The following PTBP2 variants were observed in gnomAD, a reference collection of about 807,000 sequenced individuals.
PTBP2 encodes polypyrimidine tract binding protein 2, also known as polypyrimidine tract-binding protein 2.
In PTBP2, 13 loss-of-function variants were observed where a neutral mutation model predicts 61.4. That is an observed-to-expected ratio of 0.21 (90% CI 0.14 to 0.34). PTBP2 has a LOEUF of 0.34. Among genes scored for constraint, PTBP2 ranks in the 10% least tolerant of loss-of-function variants. PTBP2 has a pLI of 1.00. For missense variants in PTBP2, 405 were observed against 642.6 expected (o/e 0.63, Z 4.00); for synonymous variants, 215 against 218.5 (o/e 0.98, Z 0.14).
chr1:96,755,746 T>C (rs1655078856), intron 3 of PTBP2, among the ~76,000 whole-genome samples: 1 of 152,182 alleles, frequency 6.6e-6, no homozygotes, highest in Admixed American at 6.5e-5. Flanking sequence ...GACTACATCC[T>C]GTATGATTCC....
At chr1:96,774,797 C>T (rs1369665222) in intron 5 of PTBP2, among the ~76,000 whole-genome samples, 1 of 152,196 alleles carries the variant, frequency 6.6e-6, no homozygotes, top group Non-Finnish European at 1.5e-5. Flanking sequence ...GCAGTAGGTC[C>T]TGTTCATGCT....
chr1:96,790,736 A>G (rs1659700850), intron 8 of PTBP2, among the ~76,000 whole-genome samples: 2 of 152,124 alleles, frequency 1.3e-5, no homozygotes, highest in Admixed American at 6.6e-5. Flanking sequence ...GTCTGCTTTA[A>G]ACTTTTGAAA....
intron 5 of PTBP2, among the ~76,000 whole-genome samples, chr1:96,777,263 T>G (rs995457081): frequency 6.6e-6 from 1 of 152,180 alleles, no homozygotes; most frequent in Admixed American, 6.5e-5. Context: ...AATTTCTGTT[T>G]AAAACATTTT....
chr1:96,785,388 G>T (rs1455011457), intron 8 of PTBP2, 134 bp downstream of exon 8: 6 of 623,160 alleles, frequency 9.6e-6, no homozygotes, highest in Non-Finnish European at 1.5e-5. Flanking sequence ...TTTCTCAAGT[G>T]AGAAGGCATA....
chr1:96,757,041 C>G (rs1167058880), intron 3 of PTBP2, among the ~76,000 whole-genome samples: 1 of 152,152 alleles, frequency 6.6e-6, no homozygotes, highest in Non-Finnish European at 1.5e-5. Flanking sequence ...GGAAATCTCT[C>G]TGCTTTCCTC....
intron 8 of PTBP2, 82 bp from the exon 9 acceptor site, chr1:96,804,718 G>A (rs1661339441): frequency 5.1e-6 from 7 of 1,366,538 alleles, no homozygotes; most frequent in African/African-American, 1.4e-5. Flanking sequence ...TGCAGCCATC[G>A]TGCTTAAATT....
chr1:96,786,543 C>T (rs896004112), intron 8 of PTBP2, among the ~76,000 whole-genome samples: 1 of 152,110 alleles, frequency 6.6e-6, no homozygotes, highest in African/African-American at 2.4e-5. Flanking sequence ...AAGAGTGAAA[C>T]ATGGTTTTTG....
At chr1:96,790,058 T>C (rs1659618665) in intron 8 of PTBP2, among the ~76,000 whole-genome samples, 1 of 152,134 alleles carries the variant, frequency 6.6e-6, no homozygotes. Flanking sequence ...TACATCTCAT[T>C]AGTCTGTTTC....
intron 2 of PTBP2, among the ~76,000 whole-genome samples, chr1:96,728,742 T>C (rs1048884330): frequency 2.0e-5 from 3 of 152,072 alleles, no homozygotes; most frequent in Non-Finnish European, 4.4e-5. Flanking sequence ...CTTGAATCTG[T>C]AGAGCAAATT....
chr1:96,724,889 G>A (rs749990797), intron 2 of PTBP2, among the ~76,000 whole-genome samples: 1 of 151,958 alleles, frequency 6.6e-6, no homozygotes, highest in African/African-American at 2.4e-5. Flanking sequence ...ATAATGATGT[G>A]GTGTTCTTTC....
intron 2 of PTBP2, among the ~76,000 whole-genome samples, chr1:96,748,466 G>A (rs999293759): frequency 3.9e-5 from 6 of 151,910 alleles, no homozygotes; most frequent in Non-Finnish European, 5.9e-5. Flanking sequence ...TTTCTCTGAC[G>A]TGTAGAGTGT....
At chr1:96,768,442 A>G (rs1656996422) in intron 3 of PTBP2, among the ~76,000 whole-genome samples, 1 of 151,998 alleles carries the variant, frequency 6.6e-6, no homozygotes, top group South Asian at 2.1e-4. Flanking sequence ...TTTAGGAAAT[A>G]CCATAAATTA....
chr1:96,762,953 A>G lies in PTBP2; in HGVS notation c.116-6750A>G, dbSNP rs1314214960. On this transcript the variant is annotated intron_variant, in intron 3 of 13. Coordinates refer to ENST00000674951, the MANE Select transcript of PTBP2 (RefSeq NM_021190.4). ...CACATCCCAGACGGGGCGGCGGGGC[A>G]GCGGCGCTCCCCACATCTCAGACGA... Among the ~76,000 whole-genome samples the G allele has an allele frequency of 5.6e-5, 8 of 142,466 alleles. No homozygotes were observed. The East Asian group carries it at 1.8e-3, about 31-fold the overall frequency. 93.5% of individuals were successfully genotyped at this position (142,466 alleles called of 152,430 possible).
At chr1:96,799,043 G>T (rs945944861) in intron 8 of PTBP2, among the ~76,000 whole-genome samples, 5 of 152,066 alleles carry the variant, frequency 3.3e-5, no homozygotes, top group Non-Finnish European at 5.9e-5. Context: ...TGGACTTAGG[G>T]TCTCTTGTCA....
intron 2 of PTBP2, among the ~76,000 whole-genome samples, chr1:96,725,967 C>T (rs543401826): frequency 1.7e-4 from 25 of 147,778 alleles, no homozygotes; most frequent in African/African-American, 4.5e-4. Flanking sequence ...CCCAGCTACT[C>T]GGGAGGCTGA....
chr1:96,726,976 A>AT (rs1453167021), intron 2 of PTBP2, among the ~76,000 whole-genome samples: 1 of 152,210 alleles, frequency 6.6e-6, no homozygotes, highest in Non-Finnish European at 1.5e-5. Flanking sequence ...TATCTCATAT[A>AT]TACCCTTGTG....
chr1:96,803,080 TAGTG>T (rs1343824071), intron 8 of PTBP2, among the ~76,000 whole-genome samples: 1 of 152,124 alleles, frequency 6.6e-6, no homozygotes, highest in Non-Finnish European at 1.5e-5. Context: ...ATGGGGAGGA[TAGTG>T]AGAGGTATAG....
At chr1:96,727,666 G>T (rs968620860) in intron 2 of PTBP2, among the ~76,000 whole-genome samples, 1 of 151,914 alleles carries the variant, frequency 6.6e-6, no homozygotes, top group African/African-American at 2.4e-5. Flanking sequence ...ATCTTTTCGT[G>T]TGCTTTTTGT....
At chr1:96,721,942 G>A in intron 1 of PTBP2, 70 bp downstream of exon 1, 1 of 1,550,084 alleles carries the variant, frequency 6.5e-7, no homozygotes, top group Non-Finnish European at 8.7e-7. Context: ...CCGGTCCCGG[G>A]CCGGGGAGAA....
Sources: allele counts gnomAD v4.1 joint callset (sites outside exome capture counted in the v4.1 genomes callset), GRCh38; gene constraint gnomAD v4.1.1; transcripts MANE v1.5; gene names NCBI Gene and HGNC (gene_info 2026-07-23, HGNC 2026-07-21).